DEPDC4: variants seen among roughly 807,000 people sequenced by gnomAD.
The protein encoded by DEPDC4 is DEP domain-containing protein 4.
DEPDC4 carries 52 observed loss-of-function variants against 52.0 expected under a neutral mutation model. The observed-to-expected ratio is 1.00, with a 90% confidence interval of 0.80 to 1.26. The LOEUF (loss-of-function observed/expected upper bound fraction) is 1.26, where lower values mean the gene tolerates loss of function less well. DEPDC4 is among the 50% of genes most tolerant of loss of function. DEPDC4 has a pLI of 0.00. For synonymous variants in DEPDC4, 201 were observed against 196.8 expected (o/e 1.02, Z -0.18); for missense variants, 530 against 546.9 (o/e 0.97, Z 0.31).
downstream of DEPDC4, among the ~76,000 whole-genome samples, chr12:100,235,110 C>T (rs1012532558): frequency 1.3e-5 from 2 of 151,442 alleles, no homozygotes; most frequent in Admixed American, 1.3e-4. Flanking sequence ...TATATATGTA[C>T]ACGTTGATAA....
chr12:100,236,461 CAT>C (rs1421691169), downstream of DEPDC4, among the ~76,000 whole-genome samples: 3 of 151,984 alleles, frequency 2.0e-5, no homozygotes, highest in East Asian at 1.9e-4. Context: ...AGCATTTTTT[CAT>C]ATGTTTGTTG....
Position 100,252,448 on chromosome 12 carries a change from T to C in DEPDC4, c.1194A>G (p.Leu398=), listed in dbSNP as rs776238444. 3.2e-5 allele frequency: 52 copies of C among 1,603,254 alleles called. No individual in the cohort carries two copies. The African/African-American group carries it at 6.1e-4, about 19-fold the overall frequency. The change falls in exon 6 of 10, where the codon CTA becomes CTG. Residue 398 remains leucine, a synonymous_variant. Transcript: ENST00000550587. ...CTGATGCCATTGCCATAAAAGTAAGTAGCCGTCGTAATTCTTCTCTAATGT... is the reference window on the plus strand; with the variant it reads ...CTGATGCCATTGCCATAAAAGTAAGCAGCCGTCGTAATTCTTCTCTAATGT... ...LLNIREELRR[L]LTFMAMASEP...
chr12:100,241,846 C>T lies in DEPDC4; in HGVS notation c.*47-1G>A. On this transcript the variant is annotated splice_acceptor_variant, in intron 9 of 9. Coordinates refer to ENST00000550587, the MANE Select transcript of DEPDC4 (RefSeq NM_001364818.2). LOFTEE classifies it low-confidence loss of function (3UTR_SPLICE). ...GTCAAGGGTTGGCAAAACGTAAAGC[C>T]TGGAAAAAAAAAAAAAAAACAAAAG... 1.8e-6 allele frequency: 2 copies of T among 1,109,764 alleles called. No homozygotes were observed. The highest frequency in any genetic ancestry group is 2.2e-6 in the Non-Finnish European group (2 of 905,242). The allele number at this position is 1,109,764 out of a possible 1,614,324, so 68.7% of individuals were successfully genotyped here.
upstream of DEPDC4, chr12:100,267,612 C>G (rs1305341290): frequency 6.6e-6 from 1 of 152,404 alleles, no homozygotes; most frequent in African/African-American, 2.4e-5. Context: ...GGACGAGCAG[C>G]GAGCTCCGGG....
At chr12:100,267,214 C>T (rs575495641), upstream of DEPDC4, 6 of 889,580 alleles carry the variant, frequency 6.7e-6, no homozygotes, top group South Asian at 1.8e-5. Flanking sequence ...GTCCCCGGTC[C>T]CTCCCCTCCC....
At chr12:100,232,339 T>TGAGCC (rs2096135911) in intron 9 of DEPDC4, among the ~76,000 whole-genome samples, 1 of 150,784 alleles carries the variant, frequency 6.6e-6, no homozygotes, top group South Asian at 2.1e-4. Context: ...GAGGTTGCAG[T>TGAGCC]GAGCCACGTT....
rs540249694 is a variant in DEPDC4 at position 100,240,265 on chromosome 12, C to T, written c.*1627G>A. Reference sequence around the variant, plus strand: ...AAACTCCTGGGCTCAAGAGATCCTCCCACCTCAGCCTCCTGAGTAGCTGGG... The same window carrying T: ...AAACTCCTGGGCTCAAGAGATCCTCTCACCTCAGCCTCCTGAGTAGCTGGG... On this transcript the variant is annotated 3_prime_UTR_variant, in exon 10 of 10. Transcript: ENST00000550587. Among the ~76,000 whole-genome samples the T allele has an allele frequency of 1.3e-5, 2 of 152,268 alleles. No individual in the cohort carries two copies. The highest frequency in any genetic ancestry group is 1.3e-4 in the Admixed American group (2 of 15,290).
rs765623171 is a variant in DEPDC4, at chr12:100,263,628, A to C, written c.423T>G (p.Leu141=). ...KVFEPVGMKK[L]FKKEKELEFE... ...ATTCTAATTCCTTTTCTTTTTTGAA[A>C]AGCTTCTTCATTCCTACTGGTTCAA... Residue 141 remains leucine (L), a synonymous_variant, in exon 2 of 10, where the codon CTT becomes CTG. Coordinates refer to ENST00000550587, the MANE Select transcript of DEPDC4 (RefSeq NM_001364818.2). The C allele has an allele frequency of 6.2e-7, 1 of 1,613,924 alleles. No homozygotes were observed. Among genetic ancestry groups the C allele is most frequent in the Admixed American group, 1.7e-5 (1 of 59,984 alleles).
intron 8 of DEPDC4, among the ~76,000 whole-genome samples, chr12:100,244,616 C>T (rs968281446): frequency 6.6e-6 from 1 of 151,530 alleles, no homozygotes; most frequent in Non-Finnish European, 1.5e-5. Context: ...TTATATTTTG[C>T]CTGGCTAGTT....
chr12:100,249,136 T>C (rs2096197648), intron 7 of DEPDC4, among the ~76,000 whole-genome samples, 158 bp from the exon 8 acceptor site: 1 of 152,198 alleles, frequency 6.6e-6, no homozygotes, highest in Non-Finnish European at 1.5e-5. Flanking sequence ...CTCTGAATCA[T>C]AAATTCTTGA....
chr12:100,234,878 T>C (rs1378458185), intron 9 of DEPDC4, among the ~76,000 whole-genome samples: 1 of 152,212 alleles, frequency 6.6e-6, no homozygotes. Context: ...CTAATAACTG[T>C]GCTTTATGAA....
chr12:100,232,626 G>A (rs937354216), intron 9 of DEPDC4, among the ~76,000 whole-genome samples: 9 of 152,132 alleles, frequency 5.9e-5, no homozygotes, highest in African/African-American at 1.9e-4. Context: ...GCTCACGCCT[G>A]TAATCCCAGC....
Position 100,248,901 on chromosome 12 carries a change from T to G in DEPDC4, c.1452A>C (p.Ser484=). ...GGAGGAACAAGCTGGAATCCATACC[T>G]GATATGGCATCTGCATCTTCTCCAT... ...LLHGEDADAI[S]GMAENNSYTS... is the part of the protein sequence containing the mutation. The change falls in exon 8 of 10, where the codon TCA becomes TCC. Residue 484 remains serine (S), a splice_region_variant and synonymous_variant. Coordinates refer to ENST00000550587, the MANE Select transcript of DEPDC4 (RefSeq NM_001364818.2). 1 of 984,844 alleles carries G rather than the reference T, an allele frequency of 1.0e-6. No homozygotes were observed. The highest frequency in any genetic ancestry group is 1.7e-5 in the African/African-American group (1 of 57,344). 61.0% of individuals were successfully genotyped at this position (984,844 alleles called of 1,614,324 possible). A position where few individuals can be genotyped will look rare whatever the true frequency, so the allele number is the denominator to read the frequency against.
At chr12:100,254,483 G>A (rs535779688) in intron 4 of DEPDC4, among the ~76,000 whole-genome samples, 148 of 151,662 alleles carry the variant, frequency 9.8e-4, no homozygotes, top group Admixed American at 2.2e-3. Flanking sequence ...GCACCATCAC[G>A]CCAGGCTAAT....
At chr12:100,263,150 C>T (rs1394368173) in intron 2 of DEPDC4, among the ~76,000 whole-genome samples, 2 of 152,108 alleles carry the variant, frequency 1.3e-5, no homozygotes, top group Non-Finnish European at 2.9e-5. Flanking sequence ...TTAGTAGAAA[C>T]GAGGTTTTGC....
At chr12:100,265,008 T>G (rs2096266543) in intron 1 of DEPDC4, among the ~76,000 whole-genome samples, 1 of 152,020 alleles carries the variant, frequency 6.6e-6, no homozygotes, top group African/African-American at 2.4e-5. Context: ...AATCAAAATG[T>G]CTATTACTGG....
Position 100,253,728 on chromosome 12 carries a change from T to G in DEPDC4, c.879-13A>C. ...CCAGTTATCGATTCTAGAGGGAAAA[T>G]GCAAACCAAAATAAAGCAATGGTTA... On this transcript the variant is annotated splice_polypyrimidine_tract_variant and intron_variant, in intron 4 of 9. Transcript: ENST00000550587. The G allele has an allele frequency of 7.9e-7, 1 of 1,257,884 alleles. No homozygotes were observed. Among genetic ancestry groups the G allele is most frequent in the Non-Finnish European group, 1.0e-6 (1 of 964,162 alleles). The allele number at this position is 1,257,884 out of a possible 1,614,324, so 77.9% of individuals were successfully genotyped here.
intron 3 of DEPDC4, among the ~76,000 whole-genome samples, chr12:100,262,060 A>G (rs954368886): frequency 7.9e-5 from 12 of 152,204 alleles, no homozygotes; most frequent in Non-Finnish European, 1.5e-4. Context: ...GTATCAATGT[A>G]GATTCATTGA....
intron 3 of DEPDC4, among the ~76,000 whole-genome samples, chr12:100,261,194 A>G (rs576636999): frequency 6.6e-6 from 1 of 151,956 alleles, no homozygotes; most frequent in Non-Finnish European, 1.5e-5. Flanking sequence ...AAAAAAAAAA[A>G]AAAAAGAGTT....
Sources: allele counts gnomAD v4.1 joint callset (sites outside exome capture counted in the v4.1 genomes callset), GRCh38; gene constraint gnomAD v4.1.1; transcripts MANE v1.5; gene names NCBI Gene and HGNC (gene_info 2026-07-23, HGNC 2026-07-21).